The following ZDHHC13 variants were observed in gnomAD, a reference collection of about 807,000 sequenced individuals.
ZDHHC13 encodes zDHHC palmitoyltransferase 13.
A neutral mutation model predicts 86.0 loss-of-function variants in ZDHHC13; 85 were observed. The observed-to-expected ratio is 0.99, with a 90% CI of 0.83 to 1.18. The LOEUF is 1.18. Ranked by LOEUF, ZDHHC13 falls within the 50% of genes most tolerant of loss-of-function variation. ZDHHC13 has a pLI of 0.00. For missense variants in ZDHHC13, 711 were observed against 730.2 expected, an observed-to-expected ratio of 0.97 and a Z score of 0.30; for synonymous variants, 263 against 246.4, an observed-to-expected ratio of 1.07 and a Z score of -0.63.
chr11:19,163,390 C>T lies in ZDHHC13; in HGVS notation c.1196C>T (p.Pro399Leu), dbSNP rs1440416309. ...YFFYKTWATD[P>L]GFTKASEEEK... ...TTCTATAAGACTTGGGCAACTGATCCAGGCTTCACTAAGGCTTCTGAAGAA... is the reference window on the plus strand; with the variant it reads ...TTCTATAAGACTTGGGCAACTGATCTAGGCTTCACTAAGGCTTCTGAAGAA... Residue 399 changes from proline (P) to leucine (L), a missense_variant, in exon 11 of 17, where the codon CCA (proline) becomes CTA (leucine). By Grantham distance (98) the Pro-to-Leu change is moderately conservative. Transcript: ENST00000446113. 2.5e-6 allele frequency: 4 copies of T among 1,607,084 alleles called. No homozygotes were observed. In the African/African-American group the frequency reaches 5.4e-5, roughly 22 times the overall value.
intron 8 of ZDHHC13, among the ~76,000 whole-genome samples, chr11:19,152,920 A>G (rs1247742660): frequency 2.0e-5 from 3 of 152,150 alleles, no homozygotes; most frequent in African/African-American, 7.2e-5. Context: ...TATGAATATC[A>G]TTGTGTACTT....
chr11:19,168,843 TAGTA>T, intron 14 of ZDHHC13: 1 of 985,462 alleles, frequency 1.0e-6, no homozygotes, highest in African/African-American at 1.7e-5. Context: ...ACAAGGTGGA[TAGTA>T]AGTGACTCCA....
chr11:19,163,162 T>C, intron 10 of ZDHHC13, 141 bp from the exon 11 acceptor site: 6 of 768,062 alleles, frequency 7.8e-6, no homozygotes, highest in Admixed American at 3.9e-5. Flanking sequence ...GATTAGAACA[T>C]AGGATGGGAA....
At chr11:19,128,099 C>T (rs1350263975) in intron 1 of ZDHHC13, among the ~76,000 whole-genome samples, 2 of 152,100 alleles carry the variant, frequency 1.3e-5, no homozygotes, top group Admixed American at 6.6e-5. Flanking sequence ...GATGTCTTTT[C>T]ATTTGTTTGT....
chr11:19,174,556 G>A (rs779775259), intron 16 of ZDHHC13, among the ~76,000 whole-genome samples: 1 of 152,250 alleles, frequency 6.6e-6, no homozygotes, highest in African/African-American at 2.4e-5. Context: ...ATGGACAGGT[G>A]TGTTTTGTTG....
chr11:19,139,237 T>C (rs1381325465), intron 1 of ZDHHC13, among the ~76,000 whole-genome samples: 1 of 152,080 alleles, frequency 6.6e-6, no homozygotes, highest in Non-Finnish European at 1.5e-5. Context: ...AAAATCAACG[T>C]ACAAAAATCA....
At chr11:19,138,179 GA>G (rs1168838053) in intron 1 of ZDHHC13, among the ~76,000 whole-genome samples, 1 of 150,854 alleles carries the variant, frequency 6.6e-6, no homozygotes, top group Non-Finnish European at 1.5e-5. Flanking sequence ...GACTAATAAA[GA>G]AAAAAAGAGA....
intron 5 of ZDHHC13, 90 bp downstream of exon 5, chr11:19,149,421 G>A (rs765850849): frequency 9.8e-5 from 126 of 1,287,044 alleles, no homozygotes; most frequent in Non-Finnish European, 1.2e-4. Flanking sequence ...CATTTTTAAA[G>A]TGGAGGTTAA....
chr11:19,172,693 T>TTCA (rs1565045138), intron 15 of ZDHHC13, 30 bp from the exon 16 acceptor site: 1 of 1,520,258 alleles, frequency 6.6e-7, no homozygotes, highest in Admixed American at 2.1e-5. Context: ...GCACACTGAA[T>TTCA]GTGTGCAACC....
chr11:19,163,209 G>T, intron 10 of ZDHHC13, 94 bp from the exon 11 acceptor site: 2 of 1,351,436 alleles, frequency 1.5e-6, no homozygotes, highest in Non-Finnish European at 2.0e-6. Flanking sequence ...CATAAGGAAG[G>T]TGAGATTCTT....
At chr11:19,154,263 A>G (rs1277340360) in intron 8 of ZDHHC13, among the ~76,000 whole-genome samples, 2 of 152,204 alleles carry the variant, frequency 1.3e-5, no homozygotes, top group African/African-American at 4.8e-5. Context: ...TATTTGTTGA[A>G]TGAATAGGGC....
At chr11:19,134,079 G>A (rs1849069527) in intron 1 of ZDHHC13, among the ~76,000 whole-genome samples, 1 of 151,642 alleles carries the variant, frequency 6.6e-6, no homozygotes, top group Non-Finnish European at 1.5e-5. Flanking sequence ...ACATTTCAAG[G>A]CAATGCTATT....
chr11:19,131,820 G>A (rs1049447174), intron 1 of ZDHHC13, among the ~76,000 whole-genome samples: 3 of 152,172 alleles, frequency 2.0e-5, no homozygotes, highest in African/African-American at 7.2e-5. Flanking sequence ...TTTTAGTAGA[G>A]ACGGGGTTTC....
intron 1 of ZDHHC13, among the ~76,000 whole-genome samples, chr11:19,142,726 G>T (rs77481283): frequency 0.014 from 2,132 of 151,708 alleles, 46 homozygotes; most frequent in East Asian, 0.087. Context: ...TCTTCCTTAG[G>T]ATACACTTTT....
chr11:19,121,908 A>G (rs1160516536), intron 1 of ZDHHC13, among the ~76,000 whole-genome samples: 3 of 152,104 alleles, frequency 2.0e-5, no homozygotes, highest in East Asian at 3.9e-4. Flanking sequence ...AGTACCAGGA[A>G]TTTGGTTATT....
intron 1 of ZDHHC13, among the ~76,000 whole-genome samples, chr11:19,119,088 G>A (rs942946355): frequency 6.6e-6 from 1 of 152,110 alleles, no homozygotes; most frequent in African/African-American, 2.4e-5. Context: ...ATACAATCAG[G>A]TCTGCAGTTT....
At chr11:19,120,299 A>G (rs1740144275) in intron 1 of ZDHHC13, among the ~76,000 whole-genome samples, 2 of 152,196 alleles carry the variant, frequency 1.3e-5, no homozygotes, top group Admixed American at 1.3e-4. Flanking sequence ...AAAGACTCAT[A>G]AGCTGGAGAT....
At chr11:19,146,674 T>C (rs1849476696) in intron 3 of ZDHHC13, among the ~76,000 whole-genome samples, 1 of 152,134 alleles carries the variant, frequency 6.6e-6, no homozygotes, top group Non-Finnish European at 1.5e-5. Context: ...AATAGATAGG[T>C]AGGAGATTTA....
chr11:19,144,261 G>T (rs1191987669), intron 2 of ZDHHC13, among the ~76,000 whole-genome samples: 1 of 152,022 alleles, frequency 6.6e-6, no homozygotes, highest in African/African-American at 2.4e-5. Flanking sequence ...TTTCCCTGTT[G>T]CCCATAAAAC....
Sources: gnomAD v4.1 joint callset for allele counts (sites outside exome capture counted in the v4.1 genomes callset) on GRCh38, gnomAD v4.1.1 for gene constraint, MANE v1.5 for transcripts, NCBI Gene and HGNC (gene_info 2026-07-23, HGNC 2026-07-21) for gene names.